Variants in NRXN3 observed in about 807,000 individuals in gnomAD.
The protein encoded by NRXN3 is neurexin 3.
A neutral mutation model predicts 137.6 loss-of-function variants in NRXN3; 32 were observed. The observed-to-expected ratio is 0.23, with a 90% CI of 0.18 to 0.31. NRXN3 has a LOEUF of 0.31. Ranked by LOEUF, NRXN3 falls within the 10% of genes least tolerant of loss-of-function variation. NRXN3 has a pLI of 1.00. For synonymous variants in NRXN3, 798 were observed against 784.5 expected (o/e 1.02, Z -0.29); for missense variants, 1,574 against 2,062.5 (o/e 0.76, Z 4.59).
intron 4 of NRXN3, among the ~76,000 whole-genome samples, chr14:78,548,874 A>G (rs1287520361): frequency 6.6e-6 from 1 of 152,100 alleles, no homozygotes; most frequent in Non-Finnish European, 1.5e-5. Flanking sequence ...CACTCTACCA[A>G]AGACCTGAAG....
chr14:79,441,300 T>C (rs542082917), intron 15 of NRXN3, among the ~76,000 whole-genome samples: 4 of 150,664 alleles, frequency 2.7e-5, no homozygotes, highest in Non-Finnish European at 5.9e-5. Context: ...ATTCTAAAAA[T>C]TTTGAGGGAA....
At chr14:79,786,925 G>A (rs1302193156) in intron 19 of NRXN3, among the ~76,000 whole-genome samples, 2 of 152,190 alleles carry the variant, frequency 1.3e-5, no homozygotes, top group African/African-American at 4.8e-5. Context: ...GTTTAAGTGA[G>A]ACAGGCTAGT....
intron 16 of NRXN3, among the ~76,000 whole-genome samples, chr14:79,614,455 C>T (rs1433374754): frequency 1.3e-5 from 2 of 152,068 alleles, no homozygotes; most frequent in Non-Finnish European, 2.9e-5. Context: ...TGTCTTCTAC[C>T]CAGAAGCTGG....
chr14:78,734,168 T>G (rs540382311), intron 8 of NRXN3, among the ~76,000 whole-genome samples: 1 of 151,186 alleles, frequency 6.6e-6, no homozygotes, highest in African/African-American at 2.4e-5. Flanking sequence ...GAAAAACATG[T>G]AGGTTTAAAA....
At chr14:79,170,493 T>C (rs2061675665) in intron 15 of NRXN3, among the ~76,000 whole-genome samples, 1 of 152,122 alleles carries the variant, frequency 6.6e-6, no homozygotes, top group Non-Finnish European at 1.5e-5. Context: ...CTGGGGTAGA[T>C]ATACATTCAT....
intron 4 of NRXN3, among the ~76,000 whole-genome samples, chr14:78,429,187 G>A (rs941093262): frequency 2.6e-5 from 4 of 151,696 alleles, no homozygotes; most frequent in Admixed American, 6.6e-5. Flanking sequence ...AGCAATTCTC[G>A]TGCCTCTGCC....
intron 15 of NRXN3, among the ~76,000 whole-genome samples, chr14:79,331,564 G>T (rs1468766175): frequency 3.3e-5 from 5 of 152,266 alleles, no homozygotes; most frequent in Middle Eastern, 3.4e-3. Context: ...ACTTTGAAAT[G>T]ATATTGAAAT....
chr14:79,807,650 T>C (rs2099213406), intron 20 of NRXN3, among the ~76,000 whole-genome samples: 1 of 152,176 alleles, frequency 6.6e-6, no homozygotes, highest in African/African-American at 2.4e-5. Flanking sequence ...ATACAGTTTT[T>C]AGAACAATCT....
chr14:79,257,355 G>A (rs892433287), intron 15 of NRXN3, among the ~76,000 whole-genome samples: 17 of 83,360 alleles, frequency 2.0e-4, no homozygotes, highest in South Asian at 4.9e-4. Flanking sequence ...GGTGGTGGTG[G>A]TGGTGGTGGT....
intron 19 of NRXN3, among the ~76,000 whole-genome samples, chr14:79,770,868 A>G (rs1176751445): frequency 3.9e-5 from 6 of 152,172 alleles, no homozygotes. Context: ...CAAAATTGAT[A>G]GACCACTAGC....
chr14:79,218,282 G>T (rs2068895130), intron 15 of NRXN3, among the ~76,000 whole-genome samples: 1 of 152,170 alleles, frequency 6.6e-6, no homozygotes, highest in Non-Finnish European at 1.5e-5. Context: ...ACAGATCTGG[G>T]TTTGAATCCT....
At chr14:78,574,705 G>A (rs1241853711) in intron 4 of NRXN3, among the ~76,000 whole-genome samples, 1 of 152,188 alleles carries the variant, frequency 6.6e-6, no homozygotes, top group Non-Finnish European at 1.5e-5. Context: ...CAGGCTCATA[G>A]GTGGAAGGGA....
At chr14:78,229,536 A>G (rs1170282566) in intron 1 of NRXN3, among the ~76,000 whole-genome samples, 2 of 151,990 alleles carry the variant, frequency 1.3e-5, no homozygotes, top group East Asian at 3.9e-4. Flanking sequence ...GGCATCTGTG[A>G]TCTATTCTAC....
intron 15 of NRXN3, among the ~76,000 whole-genome samples, chr14:79,293,696 C>T (rs1025670027): frequency 2.0e-5 from 3 of 152,222 alleles, no homozygotes; most frequent in African/African-American, 7.2e-5. Flanking sequence ...CAAGATACTC[C>T]AAACACTCGC....
chr14:79,006,631 G>C (rs930654550), intron 15 of NRXN3, among the ~76,000 whole-genome samples: 1 of 151,700 alleles, frequency 6.6e-6, no homozygotes, highest in African/African-American at 2.4e-5. Flanking sequence ...ACTTATATTA[G>C]AGCCTCTTTT....
At chr14:79,214,751 T>G (rs2068223620) in intron 15 of NRXN3, among the ~76,000 whole-genome samples, 1 of 152,214 alleles carries the variant, frequency 6.6e-6, no homozygotes, top group South Asian at 2.1e-4. Flanking sequence ...TGCTTATCTT[T>G]GTCAGTACTT....
intron 4 of NRXN3, among the ~76,000 whole-genome samples, chr14:78,340,551 G>A (rs1423034814): frequency 1.3e-5 from 2 of 152,098 alleles, no homozygotes; most frequent in Non-Finnish European, 2.9e-5. Context: ...CACATCCAGG[G>A]CCTTAGTGTT....
At chr14:78,780,547 C>T (rs571465468) in intron 8 of NRXN3, among the ~76,000 whole-genome samples, 2 of 152,088 alleles carry the variant, frequency 1.3e-5, no homozygotes, top group African/African-American at 4.8e-5. Flanking sequence ...GCAATGCACC[C>T]AGCACACAAA....
At chr14:78,764,119 T>C (rs1301630681) in intron 8 of NRXN3, among the ~76,000 whole-genome samples, 1 of 152,214 alleles carries the variant, frequency 6.6e-6, no homozygotes, top group African/African-American at 2.4e-5. Flanking sequence ...GATCTAAACA[T>C]GATCTAAGTG....
Sources: gnomAD v4.1 joint callset for allele counts (sites outside exome capture counted in the v4.1 genomes callset) on GRCh38, gnomAD v4.1.1 for gene constraint, MANE v1.5 for transcripts, NCBI Gene and HGNC (gene_info 2026-07-23, HGNC 2026-07-21) for gene names.